Variants in TXN observed in about 807,000 individuals in gnomAD.
TXN encodes the protein thioredoxin.
In TXN, 10 loss-of-function variants were observed where a neutral mutation model predicts 16.5. That is an observed-to-expected ratio of 0.61 (90% CI 0.37 to 1.03). The LOEUF (loss-of-function observed/expected upper bound fraction) is 1.03. Ranked by LOEUF, TXN falls within the 50% of genes least tolerant of loss-of-function variation. TXN has a pLI of 0.01. For synonymous variants in TXN, 35 were observed against 39.4 expected, an observed-to-expected ratio of 0.89 and a Z score of 0.42; for missense variants, 71 against 122.5, an observed-to-expected ratio of 0.58 and a Z score of 1.98.
chr9:110,252,245 A>AAAAAAAAAAAAAAAAG lies in TXN; in HGVS notation c.25-784_25-783insCTTTTTTTTTTTTTTT, dbSNP rs199937630. ...TCGCAAAAAAAAAAAAAAAAAAAAA[A>AAAAAAAAAAAAAAAAG]GCTATGACTTTTGATTAAACTCATT... On this transcript the variant is annotated intron_variant, in intron 1 of 4. Coordinates refer to ENST00000374517, the MANE Select transcript of TXN (RefSeq NM_003329.4). Among the ~76,000 whole-genome samples the AAAAAAAAAAAAAAAAG allele has an allele frequency of 2.0e-4, 27 of 136,192 alleles. 1 individual carries two copies. The highest frequency in any genetic ancestry group is 2.5e-4 in the Non-Finnish European group (16 of 62,948). 89.3% of individuals were successfully genotyped at this position (136,192 alleles called of 152,430 possible).
At chr9:110,255,578 C>T (rs547303504) in intron 1 of TXN, among the ~76,000 whole-genome samples, 1 of 152,224 alleles carries the variant, frequency 6.6e-6, no homozygotes, top group Non-Finnish European at 1.5e-5. Flanking sequence ...ACGGGCAGGG[C>T]AGCCGAGGCC....
rs11555801 is a variant in TXN at position 110,244,212 on chromosome 9, T to G, written c.263A>C (p.Glu88Ala). 1 of 1,565,716 alleles carries G rather than the reference T, an allele frequency of 6.4e-7. No individual in the cohort carries two copies. ...CTTTTCCTTATTGGCTCCAGAAAAT[T>G]CACCCACCTGTTAAGAGAATATTGA... ...QFFKKGQKVG[E>A]FSGANKEKLE... Residue 88 changes from glutamate (E) to alanine (A), a missense_variant, in exon 5 of 5, where the codon GAA (glutamate) becomes GCA (alanine). By Grantham distance (107) the Glu-to-Ala change is moderately radical. Transcript: ENST00000374517.
At chr9:110,252,495 A>G (rs1170368961) in intron 1 of TXN, among the ~76,000 whole-genome samples, 1 of 152,194 alleles carries the variant, frequency 6.6e-6, no homozygotes, top group Non-Finnish European at 1.5e-5. Context: ...GAAATTTTTC[A>G]TAGATATTAT....
chr9:110,252,317 A>G (rs540989603), intron 1 of TXN, among the ~76,000 whole-genome samples: 1 of 150,988 alleles, frequency 6.6e-6, no homozygotes, highest in Admixed American at 6.6e-5. Flanking sequence ...TGAAAAGTCA[A>G]GGAAACTCAC....
chr9:110,248,771 A>C (rs540811374), intron 3 of TXN, among the ~76,000 whole-genome samples: 11 of 152,134 alleles, frequency 7.2e-5, no homozygotes, highest in Non-Finnish European at 1.6e-4. Flanking sequence ...TGAGGATTAA[A>C]TGACATAGTG....
At position 110,251,358 on chromosome 9, in the gene TXN, A is replaced by G. The variant is rs758994917; in HGVS notation, c.129T>C (p.His43=). The change falls in exon 2 of 5, where the codon CAT becomes CAC. Residue 43 remains histidine (H), a splice_region_variant and synonymous_variant. Coordinates refer to ENST00000374517, the MANE Select transcript of TXN (RefSeq NM_003329.4). The part of the protein sequence containing the change: ...GPCKMIKPFF[H]SLSEKYSNVI... ...AAAGCAGACATTGTTTAATACTCAC[A>G]TGAAAGAAAGGCTTGATCATTTTGC... 1.3e-6 allele frequency: 2 copies of G among 1,592,346 alleles called. No homozygotes were observed. The highest frequency in any genetic ancestry group is 1.1e-5 in the South Asian group (1 of 90,572).
intron 1 of TXN, 94 bp from the exon 2 acceptor site, chr9:110,251,556 A>T: frequency 1.3e-5 from 3 of 228,908 alleles, no homozygotes; most frequent in East Asian, 2.1e-4. Flanking sequence ...CACATTCTGG[A>T]GGTCCTCCTT....
chr9:110,246,505 C>T (rs927200814), intron 3 of TXN, among the ~76,000 whole-genome samples: 6 of 152,128 alleles, frequency 3.9e-5, no homozygotes, highest in Non-Finnish European at 8.8e-5. Context: ...CAGCCAGGCA[C>T]TCAAAAGAGG....
Position 110,256,444 on chromosome 9 carries a change from C to T in TXN, c.-9G>A. The T allele has an allele frequency of 6.2e-7, 1 of 1,606,382 alleles. No homozygotes were observed. The highest frequency in any genetic ancestry group is 1.1e-5 in the South Asian group (1 of 89,770). On this transcript the variant is annotated 5_prime_UTR_variant, in exon 1 of 5. Coordinates refer to ENST00000374517, the MANE Select transcript of TXN (RefSeq NM_003329.4). This position sits in a 1 kb window ranked among gnomAD's most constrained non-coding sequence, Gnocchi z 4.2. ...TCGATCTGCTTCACCATCTTGGCTG[C>T]TGGAGTCTGACGAGCGGCTGTAAGG...
At chr9:110,245,005 G>T in intron 3 of TXN, 162 bp from the exon 4 acceptor site, 2 of 519,156 alleles carry the variant, frequency 3.9e-6, no homozygotes, top group Non-Finnish European at 7.1e-6. Context: ...TGAATATAAT[G>T]GCATTACAAA....
Position 110,244,767 on chromosome 9 carries a change from G to T in TXN, c.255+11C>A. On this transcript the variant is annotated intron_variant, in intron 4 of 4. Coordinates refer to ENST00000374517, the MANE Select transcript of TXN (RefSeq NM_003329.4). ...TGCCCAGTTAGAGTTTTAAAGGTCA[G>T]ATGTACGTACCTTTTGTCCCTTCTT... 1 of 1,610,056 alleles carries T rather than the reference G, an allele frequency of 6.2e-7. No individual in the cohort carries two copies. Among genetic ancestry groups the T allele is most frequent in the Non-Finnish European group, 8.5e-7 (1 of 1,176,728 alleles).
At position 110,256,136 on chromosome 9, in the gene TXN, AG is replaced by A. The variant is rs1448607608; in HGVS notation, c.24+275del. On this transcript the variant is annotated intron_variant, in intron 1 of 4. Coordinates refer to ENST00000374517, the MANE Select transcript of TXN (RefSeq NM_003329.4). This position sits in a 1 kb window ranked among gnomAD's most constrained non-coding sequence, Gnocchi z 4.2. ...GCGTGCGTGCAATCCCCCGAGGAACAGGGTGCGAGAAACGCTGGGCACCGCC... is the reference window on the plus strand; with the variant it reads ...GCGTGCGTGCAATCCCCCGAGGAACAGGTGCGAGAAACGCTGGGCACCGCC... Among the ~76,000 whole-genome samples, 1 of 152,094 alleles carries A rather than the reference AG, an allele frequency of 6.6e-6. No individual in the cohort carries two copies. Among genetic ancestry groups the A allele is most frequent in the Non-Finnish European group, 1.5e-5 (1 of 67,972 alleles).
intron 1 of TXN, among the ~76,000 whole-genome samples, chr9:110,253,527 G>C (rs1837767888): frequency 6.6e-6 from 1 of 152,146 alleles, no homozygotes. Context: ...GCCAATGTCT[G>C]GTTGAATAGA....
rs770497055 is a variant in TXN, at chr9:110,251,348, T to C, written c.129+10A>G. 6.3e-7 allele frequency: 1 copy of C among 1,587,466 alleles called. No individual in the cohort carries two copies. The highest frequency in any genetic ancestry group is 8.6e-7 in the Non-Finnish European group (1 of 1,157,824). On this transcript the variant is annotated intron_variant, in intron 2 of 4. Transcript: ENST00000374517. ...AATCTCTTACAAAGCAGACATTGTT[T>C]AATACTCACATGAAAGAAAGGCTTG... is the stretch of plus-strand genomic sequence containing the variant.
chr9:110,250,633 T>C (rs1480977225), intron 3 of TXN, among the ~76,000 whole-genome samples, 187 bp downstream of exon 3: 1 of 152,228 alleles, frequency 6.6e-6, no homozygotes, highest in African/African-American at 2.4e-5. Flanking sequence ...TACTTTAGGA[T>C]GTGATATACA....
At chr9:110,252,247 C>CAAAAAAAAAAAAAAAAAAA (rs1837750960) in intron 1 of TXN, among the ~76,000 whole-genome samples, 1 of 82,354 alleles carries the variant, frequency 1.2e-5, no homozygotes, top group African/African-American at 4.9e-5. Flanking sequence ...AAAAAAAAAG[C>CAAAAAAAAAAAAAAAAAAA]TATGACTTTT....
chr9:110,244,889 G>A (rs374357309), intron 3 of TXN, 46 bp from the exon 4 acceptor site: 12 of 1,510,258 alleles, frequency 7.9e-6, no homozygotes, highest in South Asian at 2.3e-5. Context: ...ACAAGACTGC[G>A]AGTACTGAGC....
Position 110,256,451 on chromosome 9 carries a change from CTGACGAGCGGCTGTA to C in TXN, c.-31_-17del. ...GCTTCACCATCTTGGCTGCTGGAGT[CTGACGAGCGGCTGTA>C]AGGACCGATGGAAATGGATCCAAAG... On this transcript the variant is annotated 5_prime_UTR_variant, in exon 1 of 5. Transcript: ENST00000374517. This position sits in a 1 kb window ranked among gnomAD's most constrained non-coding sequence, Gnocchi z 4.2. The C allele has an allele frequency of 1.2e-6, 2 of 1,605,202 alleles. No individual in the cohort carries two copies. Among genetic ancestry groups the C allele is most frequent in the Non-Finnish European group, 1.7e-6 (2 of 1,176,046 alleles).
At chr9:110,254,240 G>A (rs1211438510) in intron 1 of TXN, among the ~76,000 whole-genome samples, 3 of 152,182 alleles carry the variant, frequency 2.0e-5, no homozygotes, top group African/African-American at 7.2e-5. Context: ...CAAATAACAG[G>A]CTGGGCGTGG....
Sources: gnomAD v4.1 joint callset for allele counts (sites outside exome capture counted in the v4.1 genomes callset) on GRCh38, gnomAD v4.1.1 for gene constraint, Gnocchi (gnomAD v3.1) non-coding constraint, MANE v1.5 for transcripts, NCBI Gene and HGNC (gene_info 2026-07-23, HGNC 2026-07-21) for gene names.